The following COG2 variants were observed in gnomAD, a reference collection of about 807,000 sequenced individuals.
The protein encoded by COG2 is component of oligomeric golgi complex 2, also known as conserved oligomeric Golgi complex subunit 2.
Under a neutral mutation model 90.6 loss-of-function variants are expected in COG2, and 52 were observed. The ratio of observed to expected loss-of-function variants is 0.57; its 90% CI spans 0.46 to 0.72. The LOEUF is 0.72. Ranked by LOEUF, COG2 falls within the 30% of genes least tolerant of loss-of-function variation. The pLI is 0.00. For synonymous variants in COG2, 337 were observed against 320.4 expected (o/e 1.05, Z -0.55); for missense variants, 829 against 891.2 (o/e 0.93, Z 0.89).
chr1:230,693,196 TG>T, intron 17 of COG2, 95 bp from the exon 18 acceptor site: 1 of 698,126 alleles, frequency 1.4e-6, no homozygotes. Flanking sequence ...AACTGTCTTC[TG>T]GTTTAGTAGA....
At position 230,669,337 on chromosome 1, in the gene COG2, TACCC is replaced by T; in HGVS notation, c.595-15_595-12del. On this transcript the variant is annotated splice_polypyrimidine_tract_variant and intron_variant, in intron 6 of 17. Coordinates refer to ENST00000366669, the MANE Select transcript of COG2 (RefSeq NM_007357.3). ...TTACAACTAGAGCTTTTTTTTTATTTACCCACCTTTTCTTGCAGCGTATAGCTGG... is the reference window on the plus strand; with the variant it reads ...TTACAACTAGAGCTTTTTTTTTATTTACCTTTTCTTGCAGCGTATAGCTGG... 1.9e-6 allele frequency: 3 copies of T among 1,587,244 alleles called. No homozygotes were observed. The Admixed American group carries it at 5.4e-5, about 28-fold the overall frequency.
At chr1:230,664,463 T>C in intron 4 of COG2, 21 bp from the exon 5 acceptor site, 1 of 1,081,158 alleles carries the variant, frequency 9.2e-7, no homozygotes, top group Non-Finnish European at 1.3e-6. Flanking sequence ...AATAACTTTT[T>C]TCCTTAATTT....
rs140155560 is a variant in COG2 at position 230,691,559 on chromosome 1, G to A, written c.2110G>A (p.Glu704Lys). ...QLALDVEYLG[E>K]QIQKLGLQAS... Reference sequence around the variant, plus strand: ...GGCCCTAGATGTTGAGTACTTGGGAGAGCAGGTAACCCATCAGCCGCCGGC... The same window carrying A: ...GGCCCTAGATGTTGAGTACTTGGGAAAGCAGGTAACCCATCAGCCGCCGGC... Residue 704 changes from glutamate to lysine, a missense_variant, in exon 17 of 18, where the codon GAG becomes AAG. Glu to Lys is a moderately conservative substitution (Grantham distance 56). Coordinates refer to ENST00000366669, the MANE Select transcript of COG2 (RefSeq NM_007357.3). 2.3e-4 allele frequency: 367 copies of A among 1,610,224 alleles called. No individual in the cohort carries two copies. Among genetic ancestry groups the A allele is most frequent in the Non-Finnish European group, 2.2e-4 (263 of 1,178,540 alleles).
intron 10 of COG2, 123 bp downstream of exon 10, chr1:230,679,175 C>T: frequency 2.1e-6 from 2 of 941,256 alleles, no homozygotes; most frequent in South Asian, 2.3e-5. Flanking sequence ...CTTTGGGAGA[C>T]AAAATTGAAA....
At chr1:230,678,419 C>A in intron 9 of COG2, 1 of 985,366 alleles carries the variant, frequency 1.0e-6, no homozygotes, top group African/African-American at 1.7e-5. Flanking sequence ...AGTTAGCTGC[C>A]ACTCTTAATG....
intron 10 of COG2, chr1:230,681,024 A>G (rs1318744300): frequency 6.6e-6 from 1 of 152,260 alleles, no homozygotes; most frequent in Non-Finnish European, 1.5e-5. Context: ...AATCACCTTC[A>G]GGAAAAAGGC....
chr1:230,670,446 A>G (rs933291073), intron 7 of COG2: 1 of 152,232 alleles, frequency 6.6e-6, no homozygotes, highest in African/African-American at 2.4e-5. Context: ...GAGACTCCCA[A>G]TGATAAAAAT....
chr1:230,644,339 G>A lies in COG2; in HGVS notation c.72+1661G>A, dbSNP rs897515540. Reference sequence around the variant, plus strand: ...TTTTTAGGTGGAGCTTGAAGATAAAGGTTATTTGCAATTTGTGTTGCCTTA... The same window carrying A: ...TTTTTAGGTGGAGCTTGAAGATAAAAGTTATTTGCAATTTGTGTTGCCTTA... On this transcript the variant is annotated intron_variant, in intron 1 of 17. Transcript: ENST00000366669. 5.9e-5 allele frequency among the ~76,000 whole-genome samples: 9 copies of A among 152,250 alleles called. No homozygotes were observed. The East Asian group carries it at 1.4e-3, about 23-fold the overall frequency.
At chr1:230,673,077 T>A (rs991971604) in intron 8 of COG2, among the ~76,000 whole-genome samples, 1 of 152,150 alleles carries the variant, frequency 6.6e-6, no homozygotes, top group Non-Finnish European at 1.5e-5. Flanking sequence ...AAGGATTTAG[T>A]TGGATTTGGG....
At chr1:230,683,305 G>A in intron 10 of COG2, 1 of 353,192 alleles carries the variant, frequency 2.8e-6, no homozygotes, top group African/African-American at 2.1e-5. Context: ...TTAACTGGCA[G>A]TTTGTTTAAT....
intron 10 of COG2, chr1:230,680,287 G>A (rs1662708345): frequency 6.6e-6 from 1 of 151,972 alleles, no homozygotes; most frequent in Non-Finnish European, 1.5e-5. Flanking sequence ...TCCAGGTTTG[G>A]AGTTAGATTG....
rs41314282 is a variant in COG2 at position 230,693,220 on chromosome 1, T to G, written c.2116-72T>G. 19,878 of 898,992 alleles carry G rather than the reference T, an allele frequency of 0.022. 299 individuals carry two copies. The highest frequency in any genetic ancestry group is 0.028 in the Non-Finnish European group (15,059 of 546,384). The allele number at this position is 898,992 out of a possible 1,614,324, so 55.7% of individuals were successfully genotyped here. A position where few individuals can be genotyped will look rare whatever the true frequency, so the allele number is the denominator to read the frequency against. ...CTGGTTTAGTAGAGGATGAAGATTT[T>G]CTTTCTTTTTTTTCCCCCCCCATAT... On this transcript the variant is annotated intron_variant, in intron 17 of 17. Coordinates refer to ENST00000366669, the MANE Select transcript of COG2 (RefSeq NM_007357.3).
intron 1 of COG2, among the ~76,000 whole-genome samples, chr1:230,653,283 C>T (rs1376455583): frequency 6.6e-6 from 1 of 150,500 alleles, no homozygotes; most frequent in East Asian, 2.0e-4. Flanking sequence ...TGCAGTGGCA[C>T]CATCTTGGCT....
At chr1:230,669,631 T>G in intron 7 of COG2, 96 bp downstream of exon 7, 1 of 1,145,752 alleles carries the variant, frequency 8.7e-7, no homozygotes, top group South Asian at 1.7e-5. Context: ...AACAGAGATC[T>G]TTCTGGAAAG....
intron 5 of COG2, among the ~76,000 whole-genome samples, chr1:230,666,202 C>CA (rs1308784422): frequency 6.6e-6 from 1 of 152,162 alleles, no homozygotes; most frequent in Non-Finnish European, 1.5e-5. Flanking sequence ...TCTCCACCAG[C>CA]AAAAACATTT....
In COG2 at chr1:230,690,295, C is replaced by A. The variant is rs1662994218; in HGVS notation, c.1934+142C>A. ...CACTGGATTAGTCAGAGTGTGTGTCCCACTGTTTGCTTCCTCCCTCCCCAC... is the reference window on the plus strand; with the variant it reads ...CACTGGATTAGTCAGAGTGTGTGTCACACTGTTTGCTTCCTCCCTCCCCAC... On this transcript the variant is annotated intron_variant, in intron 16 of 17. Coordinates refer to ENST00000366669, the MANE Select transcript of COG2 (RefSeq NM_007357.3). The A allele has an allele frequency of 4.3e-6, 3 of 694,802 alleles. No homozygotes were observed. In the South Asian group the frequency reaches 6.5e-5, roughly 15 times the overall value. The allele number at this position is 694,802 out of a possible 1,614,324, so 43.0% of individuals were successfully genotyped here.
At chr1:230,662,706 C>T (rs1662208309) in intron 3 of COG2, among the ~76,000 whole-genome samples, 3 of 152,168 alleles carry the variant, frequency 2.0e-5, no homozygotes, top group Admixed American at 2.0e-4. Context: ...CTGCAGTACC[C>T]CCGGATGTAT....
In COG2 at chr1:230,671,549, A is replaced by G; in HGVS notation, c.808A>G (p.Asn270Asp). Reference protein sequence around the residue: ...IIEQFVESHPNGLQVMYNKLL... With the variant: ...IIEQFVESHPDGLQVMYNKLL... The stretch of plus-strand genomic sequence containing the variant: ...AGAGCAGTTTGTTGAATCTCATCCC[A>G]ATGGCCTTCAGGTCATGTATAATAA... Residue 270 changes from asparagine to aspartate, a missense_variant, in exon 8 of 18, where the codon AAT becomes GAT. By Grantham distance (23) the Asn-to-Asp change is conservative (BLOSUM62 1). Transcript: ENST00000366669. The G allele has an allele frequency of 6.2e-7, 1 of 1,613,444 alleles. No homozygotes were observed. The highest frequency in any genetic ancestry group is 2.2e-5 in the East Asian group (1 of 44,860).
chr1:230,691,618 C>A, intron 17 of COG2, 54 bp downstream of exon 17: 2 of 1,534,550 alleles, frequency 1.3e-6, no homozygotes, highest in East Asian at 4.5e-5. Flanking sequence ...ATTCTGAGAG[C>A]CGGGCAGTTA....
Sources: allele counts gnomAD v4.1 joint callset (sites outside exome capture counted in the v4.1 genomes callset), GRCh38; gene constraint gnomAD v4.1.1; transcripts MANE v1.5; gene names NCBI Gene and HGNC (gene_info 2026-07-23, HGNC 2026-07-21).